Variants in ATXN3 observed in about 807,000 individuals in gnomAD.
ATXN3 encodes ataxin 3, also known as ataxin-3.
Under a neutral mutation model 58.2 loss-of-function variants are expected in ATXN3, and 28 were observed. The ratio of observed to expected loss-of-function variants is 0.48; its 90% CI spans 0.36 to 0.66. The LOEUF (loss-of-function observed/expected upper bound fraction) is 0.66, where lower values mean the gene tolerates loss of function less well. Ranked by LOEUF, ATXN3 falls within the 30% of genes least tolerant of loss-of-function variation. ATXN3 has a pLI of 0.00. For synonymous variants in ATXN3, 113 were observed against 138.5 expected (o/e 0.82, Z 1.29); for missense variants, 321 against 422.1 (o/e 0.76, Z 2.10).
Position 92,058,671 on chromosome 14 carries a change from A to G in ATXN3, c.*5649T>C, listed in dbSNP as rs2057531122. ...AGTGCTTTGGAAGCCCGGCTTTTCT[A>G]ACGACCAGACAGGAAGGCCTGTGTG... On this transcript the variant is annotated 3_prime_UTR_variant, in exon 11 of 11. Coordinates refer to ENST00000644486, the MANE Select transcript of ATXN3 (RefSeq NM_004993.6). The G allele has an allele frequency of 6.6e-6, 1 of 152,246 alleles. No individual in the cohort carries two copies. The highest frequency in any genetic ancestry group is 2.4e-5 in the African/African-American group (1 of 41,466). The allele number at this position is 152,246 out of a possible 1,614,324, so 9.4% of individuals were successfully genotyped here. A position where few individuals can be genotyped will look rare whatever the true frequency, so the allele number is the denominator to read the frequency against.
intron 8 of ATXN3, 151 bp from the exon 9 acceptor site, chr14:92,081,212 A>G (rs2061395142): frequency 1.8e-6 from 1 of 549,492 alleles, no homozygotes; most frequent in Non-Finnish European, 3.2e-6. Flanking sequence ...TGGCTCACAC[A>G]TGTAATCCCA....
chr14:92,053,492 C>CTT (rs540092730), upstream of ATXN3, among the ~76,000 whole-genome samples: 9 of 134,782 alleles, frequency 6.7e-5, no homozygotes, highest in South Asian at 4.8e-4. Context: ...TTCTTTCTTT[C>CTT]TTTTTTTTTT....
chr14:92,096,466 T>C, intron 2 of ATXN3: 2 of 765,474 alleles, frequency 2.6e-6, no homozygotes, highest in East Asian at 2.8e-5. Context: ...CTAACAAAGA[T>C]ACAAAAAATT....
At chr14:92,102,206 A>C (rs138320031) in intron 1 of ATXN3, among the ~76,000 whole-genome samples, 1 of 150,414 alleles carries the variant, frequency 6.6e-6, no homozygotes, top group Admixed American at 6.6e-5. Flanking sequence ...CAAAGAAAGA[A>C]AAGAAAGAAA....
rs572044578 is a variant in ATXN3, at chr14:92,084,355, T to C, written c.476-1097A>G. 7.2e-5 allele frequency among the ~76,000 whole-genome samples: 11 copies of C among 152,228 alleles called. No individual in the cohort carries two copies. In the South Asian group the frequency reaches 1.5e-3, roughly 20 times the overall value. ...ACCCTGACCCACACATGTACACCCCTTGTAACTAAAAATAGGGGCTGGGAA... is the reference window on the plus strand; with the variant it reads ...ACCCTGACCCACACATGTACACCCCCTGTAACTAAAAATAGGGGCTGGGAA... On this transcript the variant is annotated intron_variant, in intron 6 of 10. Coordinates refer to ENST00000644486, the MANE Select transcript of ATXN3 (RefSeq NM_004993.6).
At chr14:92,057,631 T>C (rs1321286241), downstream of ATXN3, among the ~76,000 whole-genome samples, 1 of 149,978 alleles carries the variant, frequency 6.7e-6, no homozygotes, top group Non-Finnish European at 1.5e-5. Flanking sequence ...AATGTTATTA[T>C]GTTTCAAAAT....
At position 92,082,366 on chromosome 14, in the gene ATXN3, G is replaced by A. The variant is rs548763388; in HGVS notation, c.709C>T (p.Arg237Cys). 5.0e-6 allele frequency: 8 copies of A among 1,614,040 alleles called. No homozygotes were observed. The highest frequency in any genetic ancestry group is 1.7e-5 in the Admixed American group (1 of 60,002). Reference protein sequence around the residue: ...EDLQRALALSRQEIDMEDEEA... With the variant: ...EDLQRALALSCQEIDMEDEEA... ...TCATCTTCCATGTCAATTTCTTGGC[G>A]ACTTAGTGCCAGAGCCCTCTGCAAA... is the stretch of plus-strand genomic sequence containing the variant. The change falls in exon 8 of 11, where the codon CGC becomes TGC. Residue 237 changes from arginine (R) to cysteine (C), a missense_variant. By Grantham distance (180) the Arg-to-Cys change is radical (BLOSUM62 -3). This residue lies in a region of ATXN3 where 200 missense variants were observed against 223.2 expected (regional missense o/e 0.90). Transcript: ENST00000644486.
At chr14:92,048,710 G>A (rs569033613) in intron 1 of ATXN3, among the ~76,000 whole-genome samples, 6 of 152,256 alleles carry the variant, frequency 3.9e-5, no homozygotes, top group South Asian at 2.1e-4. Flanking sequence ...AGCCAGACAC[G>A]GTGTGAGGAG....
At chr14:92,092,918 A>T (rs1394749310) in intron 5 of ATXN3, among the ~76,000 whole-genome samples, 1 of 150,968 alleles carries the variant, frequency 6.6e-6, no homozygotes, top group Non-Finnish European at 1.5e-5. Context: ...GCTGGGGTAC[A>T]GTGACAAAAT....
chr14:92,071,448 T>C (rs1015405957), intron 9 of ATXN3: 21 of 349,372 alleles, frequency 6.0e-5, no homozygotes, highest in Middle Eastern at 1.0e-3. Flanking sequence ...ATACAAAAAT[T>C]AGCCAGGCGT....
At position 92,071,050 on chromosome 14, in the gene ATXN3, C is replaced by T. The variant is rs960156172; in HGVS notation, c.876G>A (p.Gln292=). 2 of 1,606,340 alleles carry T rather than the reference C, an allele frequency of 1.2e-6. No homozygotes were observed. Among genetic ancestry groups the T allele is most frequent in the African/African-American group, 1.4e-5 (1 of 73,156 alleles). ...RKRREAYFEK[Q]QQKQQQQQQQ... ...GCTGCTGCTGTTGCTGCTTTTGCTG[C>T]TGTCTGAAACATTCAAAAGTGAAGT... The change falls in exon 10 of 11, where the codon CAG becomes CAA. Residue 292 remains glutamine, a synonymous_variant. Transcript: ENST00000644486.
chr14:92,093,868 C>A, intron 3 of ATXN3, 37 bp from the exon 4 acceptor site: 4 of 1,249,314 alleles, frequency 3.2e-6, no homozygotes, highest in South Asian at 1.2e-5. Context: ...TAAGCTAAAC[C>A]ACTCCATTCC....
At chr14:92,093,650 A>G (rs2064424080) in intron 4 of ATXN3, 96 bp downstream of exon 4, 2 of 998,924 alleles carry the variant, frequency 2.0e-6, no homozygotes, top group Non-Finnish European at 3.0e-6. Context: ...CATCAAAACA[A>G]AAGTATTCAA....
Position 92,062,387 on chromosome 14 carries a change from T to G in ATXN3, c.*1933A>C, listed in dbSNP as rs2057841039. The G allele has an allele frequency of 6.6e-6, 1 of 152,228 alleles. No homozygotes were observed. Among genetic ancestry groups the G allele is most frequent in the African/African-American group, 2.4e-5 (1 of 41,452 alleles). 9.4% of individuals were successfully genotyped at this position (152,228 alleles called of 1,614,324 possible). On this transcript the variant is annotated 3_prime_UTR_variant, in exon 11 of 11. Coordinates refer to ENST00000644486, the MANE Select transcript of ATXN3 (RefSeq NM_004993.6). Reference sequence around the variant, plus strand: ...TAAAGTTAAAACTTTAAAATGCATATTGGTTTTCTCATTTTTATATTAGGT... The same window carrying G: ...TAAAGTTAAAACTTTAAAATGCATAGTGGTTTTCTCATTTTTATATTAGGT...
At chr14:92,099,581 A>G (rs746678958) in intron 1 of ATXN3, among the ~76,000 whole-genome samples, 5 of 152,238 alleles carry the variant, frequency 3.3e-5, no homozygotes, top group Non-Finnish European at 7.3e-5. Flanking sequence ...TTTGAAAAAT[A>G]GCCAAGGCTG....
chr14:92,075,858 T>C (rs1487783448), intron 9 of ATXN3, among the ~76,000 whole-genome samples: 1 of 152,256 alleles, frequency 6.6e-6, no homozygotes, highest in African/African-American at 2.4e-5. Context: ...AAGTTAGTTC[T>C]TAACTCTTCT....
At chr14:92,054,379 G>T (rs555419122), downstream of ATXN3, among the ~76,000 whole-genome samples, 6 of 152,316 alleles carry the variant, frequency 3.9e-5, no homozygotes, top group East Asian at 1.2e-3. Flanking sequence ...CGATAAAACA[G>T]GTTGCAGTAA....
chr14:92,091,112 A>G (rs762327715), intron 5 of ATXN3, among the ~76,000 whole-genome samples: 2 of 152,080 alleles, frequency 1.3e-5, no homozygotes, highest in Non-Finnish European at 2.9e-5. Context: ...TCTAGGTTAC[A>G]TCTCCTTAAC....
At position 92,096,155 on chromosome 14, in the gene ATXN3, T is replaced by C. The variant is rs1410040248; in HGVS notation, c.190-18A>G. ...GAAGGCTGCTGTTAATTTTGACAGG[T>C]AGTTGAAGCAAGGGTGGGGGTGGGG... On this transcript the variant is annotated intron_variant, in intron 2 of 10. Coordinates refer to ENST00000644486, the MANE Select transcript of ATXN3 (RefSeq NM_004993.6). 6.2e-7 allele frequency: 1 copy of C among 1,600,166 alleles called. No individual in the cohort carries two copies. The highest frequency in any genetic ancestry group is 8.5e-7 in the Non-Finnish European group (1 of 1,177,590).
Sources: gnomAD v4.1 joint callset for allele counts (sites outside exome capture counted in the v4.1 genomes callset) on GRCh38, gnomAD v4.1.1 for gene constraint, gnomAD v4.1.1 regional missense constraint, MANE v1.5 for transcripts, NCBI Gene and HGNC (gene_info 2026-07-23, HGNC 2026-07-21) for gene names.